The following CDH7 variants were observed in gnomAD, a reference collection of about 807,000 sequenced individuals.
CDH7 encodes cadherin-7.
A neutral mutation model predicts 71.8 loss-of-function variants in CDH7; 25 were observed. That is an observed-to-expected ratio of 0.35 (90% CI 0.25 to 0.49). CDH7 has a LOEUF of 0.49. CDH7 is among the 20% of genes least tolerant of loss of function. The pLI, the probability that CDH7 is intolerant of heterozygous loss-of-function variation, is 0.99. For synonymous variants in CDH7, 381 were observed against 363.8 expected, an observed-to-expected ratio of 1.05 and a Z score of -0.54; for missense variants, 862 against 974.6, an observed-to-expected ratio of 0.88 and a Z score of 1.54.
In CDH7 at chr18:65,781,898, C is replaced by T. The variant is rs1339628877; in HGVS notation, c.210+18846C>T. Among the ~76,000 whole-genome samples, 5 of 58,580 alleles carry T rather than the reference C, an allele frequency of 8.5e-5. 1 individual carries two copies. Among genetic ancestry groups the T allele is most frequent in the African/African-American group, 2.0e-4 (2 of 9,860 alleles). 38.4% of individuals were successfully genotyped at this position (58,580 alleles called of 152,430 possible). A position where few individuals can be genotyped will look rare whatever the true frequency, so the allele number is the denominator to read the frequency against. ...TCTCTCTGTCTCTCTCTCTCTTTCT[C>T]TCTATCTTTCTCTCTTTCTCTCTTT... On this transcript the variant is annotated intron_variant, in intron 2 of 11. Transcript: ENST00000397968.
At chr18:65,835,738 T>A (rs1912510474) in intron 6 of CDH7, among the ~76,000 whole-genome samples, 1 of 152,250 alleles carries the variant, frequency 6.6e-6, no homozygotes, top group Non-Finnish European at 1.5e-5. Flanking sequence ...TTCCAAGGCT[T>A]GTTTTCTACT....
intron 7 of CDH7, among the ~76,000 whole-genome samples, chr18:65,846,935 G>A (rs1912953737): frequency 6.6e-6 from 1 of 152,162 alleles, no homozygotes; most frequent in South Asian, 2.1e-4. Context: ...GTGTTTCCAT[G>A]CCATTTTAAT....
intron 2 of CDH7, among the ~76,000 whole-genome samples, chr18:65,774,844 T>C (rs771696457): frequency 2.0e-4 from 31 of 151,958 alleles, no homozygotes; most frequent in Non-Finnish European, 4.4e-5. Flanking sequence ...AAATCTTCCA[T>C]AAAGCAAGCT....
chr18:65,817,670 A>T (rs371944837), intron 4 of CDH7, among the ~76,000 whole-genome samples: 1 of 152,220 alleles, frequency 6.6e-6, no homozygotes, highest in African/African-American at 2.4e-5. Context: ...CCCCCTCCCA[A>T]GAGTTTTCTC....
chr18:65,805,717 A>G (rs1911292441), intron 2 of CDH7, among the ~76,000 whole-genome samples: 1 of 152,208 alleles, frequency 6.6e-6, no homozygotes, highest in Admixed American at 6.5e-5. Context: ...GGGCCGATCC[A>G]TCATGAAAGT....
Position 65,889,624 on chromosome 18 carries a change from A to G in CDH7, c.*8730A>G, listed in dbSNP as rs1032141415. ...CTTTGTGTAAAATACAGAATACAAC[A>G]CAAGGAATAATGAAAAGATGATCTA... On this transcript the variant is annotated 3_prime_UTR_variant, in exon 12 of 12. Coordinates refer to ENST00000397968, the MANE Select transcript of CDH7 (RefSeq NM_004361.5). The G allele has an allele frequency of 6.6e-6, 1 of 152,214 alleles. No homozygotes were observed. Among genetic ancestry groups the G allele is most frequent in the East Asian group, 1.9e-4 (1 of 5,194 alleles). 9.4% of individuals were successfully genotyped at this position (152,214 alleles called of 1,614,324 possible).
In CDH7 at chr18:65,781,946, T is replaced by C. The variant is rs200603019; in HGVS notation, c.210+18894T>C. ...TTTCTCTCTCTCTCTCTCTCTCTCT[T>C]TCTCTCTTTCTCTCTTTCTCTCTCT... On this transcript the variant is annotated intron_variant, in intron 2 of 11. Transcript: ENST00000397968. Among the ~76,000 whole-genome samples, 286 of 66,572 alleles carry C rather than the reference T, an allele frequency of 4.3e-3. 3 individuals are homozygous for C. The highest frequency in any genetic ancestry group is 5.7e-3 in the Non-Finnish European group (208 of 36,612). 43.7% of individuals were successfully genotyped at this position (66,572 alleles called of 152,430 possible).
At chr18:65,827,850 G>C (rs1221908250) in intron 6 of CDH7, among the ~76,000 whole-genome samples, 4 of 151,820 alleles carry the variant, frequency 2.6e-5, no homozygotes, top group Non-Finnish European at 2.9e-5. Context: ...GTTAAGACGA[G>C]ATATCTGAAA....
chr18:65,875,244 T>C (rs1177753077), intron 11 of CDH7, among the ~76,000 whole-genome samples: 1 of 152,152 alleles, frequency 6.6e-6, no homozygotes, highest in Non-Finnish European at 1.5e-5. Context: ...TGACAGTTCA[T>C]AATAGAATAC....
chr18:65,773,805 G>A (rs999319783), intron 2 of CDH7, among the ~76,000 whole-genome samples: 4 of 152,048 alleles, frequency 2.6e-5, no homozygotes, highest in African/African-American at 7.2e-5. Flanking sequence ...CTGCATGTAT[G>A]GGACGCTTAT....
intron 2 of CDH7, among the ~76,000 whole-genome samples, chr18:65,792,389 G>C (rs1910746892): frequency 6.6e-6 from 1 of 152,018 alleles, no homozygotes; most frequent in Admixed American, 6.6e-5. Context: ...AGTAAACCTT[G>C]AAAAGGTTCC....
intron 2 of CDH7, among the ~76,000 whole-genome samples, chr18:65,800,637 G>C (rs1911088196): frequency 6.6e-6 from 1 of 152,002 alleles, no homozygotes; most frequent in African/African-American, 2.4e-5. Flanking sequence ...AAATAATAAA[G>C]TGATTAGCAA....
intron 2 of CDH7, among the ~76,000 whole-genome samples, chr18:65,780,918 GTTTTTT>G (rs35645871): frequency 2.9e-5 from 3 of 104,840 alleles, no homozygotes; most frequent in Non-Finnish European, 6.1e-5. Flanking sequence ...CTCTATTCCT[GTTTTTT>G]TTTTTTTTTT....
At chr18:65,752,746 T>C (rs1200614879) in intron 1 of CDH7, among the ~76,000 whole-genome samples, 1 of 152,146 alleles carries the variant, frequency 6.6e-6, no homozygotes, top group Non-Finnish European at 1.5e-5. Flanking sequence ...CCAACGTCAA[T>C]AGTCTTATCT....
At chr18:65,844,262 C>A (rs775214615) in intron 7 of CDH7, among the ~76,000 whole-genome samples, 197 bp downstream of exon 7, 1 of 144,836 alleles carries the variant, frequency 6.9e-6, no homozygotes, top group Non-Finnish European at 1.5e-5. Context: ...ATCTGATTAT[C>A]AAGGCCATTA....
At chr18:65,820,260 G>C (rs1038301263) in intron 4 of CDH7, among the ~76,000 whole-genome samples, 1 of 150,760 alleles carries the variant, frequency 6.6e-6, no homozygotes, top group South Asian at 2.1e-4. Context: ...CTTTTTCAAA[G>C]AGCCCATAGA....
chr18:65,845,135 T>C (rs1410682203), intron 7 of CDH7, among the ~76,000 whole-genome samples: 1 of 149,510 alleles, frequency 6.7e-6, no homozygotes, highest in East Asian at 1.9e-4. Flanking sequence ...AAAGTGATTA[T>C]GTACATTTAT....
At chr18:65,804,699 C>T (rs371169160) in intron 2 of CDH7, among the ~76,000 whole-genome samples, 6 of 148,708 alleles carry the variant, frequency 4.0e-5, no homozygotes, top group Admixed American at 6.7e-5. Context: ...CCTTAACACA[C>T]GTGTGTGTGT....
In CDH7 at chr18:65,792,936, C is replaced by T. The variant is rs906773799; in HGVS notation, c.211-16768C>T. Among the ~76,000 whole-genome samples, 76 of 152,256 alleles carry T rather than the reference C, an allele frequency of 5.0e-4. 1 individual carries two copies. The highest frequency in any genetic ancestry group is 2.1e-4 in the South Asian group (1 of 4,804). Reference sequence around the variant, plus strand: ...GGTATTCTGCCCTTGGCTGTCCCACCTCTGAGACCCTGCCTTGGAGGGTTT... The same window carrying T: ...GGTATTCTGCCCTTGGCTGTCCCACTTCTGAGACCCTGCCTTGGAGGGTTT... On this transcript the variant is annotated intron_variant, in intron 2 of 11. Transcript: ENST00000397968.
Sources: gnomAD v4.1 joint callset for allele counts (sites outside exome capture counted in the v4.1 genomes callset) on GRCh38, gnomAD v4.1.1 for gene constraint, MANE v1.5 for transcripts, NCBI Gene and HGNC (gene_info 2026-07-23, HGNC 2026-07-21) for gene names.